DLGAP1: variants seen among roughly 807,000 people sequenced by gnomAD.
DLGAP1 encodes DLG associated protein 1, also known as disks large-associated protein 1.
In DLGAP1, 11 loss-of-function variants were observed where a neutral mutation model predicts 90.8. The ratio of observed to expected loss-of-function variants is 0.12; its 90% CI spans 0.08 to 0.20. DLGAP1 has a LOEUF of 0.20. Ranked by LOEUF, DLGAP1 falls within the 10% of genes least tolerant of loss-of-function variation. The pLI, the probability that DLGAP1 is intolerant of heterozygous loss-of-function variation, is 1.00. For synonymous variants in DLGAP1, 558 were observed against 540.7 expected (o/e 1.03, Z -0.44); for missense variants, 1,050 against 1,333.8 (o/e 0.79, Z 3.31).
intron 3 of DLGAP1, among the ~76,000 whole-genome samples, chr18:3,903,426 C>G (rs1302098003): frequency 6.6e-6 from 1 of 152,144 alleles, no homozygotes; most frequent in Non-Finnish European, 1.5e-5. Flanking sequence ...ATTTTAGAAG[C>G]AGGAAAATTG....
At chr18:3,739,267 A>G (rs1330042217) in intron 6 of DLGAP1, among the ~76,000 whole-genome samples, 4 of 151,050 alleles carry the variant, frequency 2.6e-5, no homozygotes, top group Non-Finnish European at 5.9e-5. Context: ...CCAGCCATCC[A>G]ATTACTGGGT....
chr18:3,969,968 C>T lies in DLGAP1; in HGVS notation c.-73+35148G>A, dbSNP rs115998393. 8.6e-3 allele frequency among the ~76,000 whole-genome samples: 1,302 copies of T among 152,236 alleles called. 15 individuals are homozygous for T. Among genetic ancestry groups the T allele is most frequent in the African/African-American group, 0.03 (1,236 of 41,538 alleles). On this transcript the variant is annotated intron_variant, in intron 3 of 12. Transcript: ENST00000315677. ...TCTGTGTGTTAAGATGGAAAGCACA[C>T]GAACAGAAGTCAGCAGATTTGTTGT...
intron 2 of DLGAP1, among the ~76,000 whole-genome samples, chr18:4,126,498 C>T (rs570277194): frequency 6.6e-6 from 1 of 152,228 alleles, no homozygotes; most frequent in East Asian, 1.9e-4. Context: ...TGCTTTATAT[C>T]GTTGTATAAA....
chr18:4,009,501 C>T (rs184505668), intron 2 of DLGAP1, among the ~76,000 whole-genome samples: 7 of 152,286 alleles, frequency 4.6e-5, no homozygotes, highest in Admixed American at 4.6e-4. Context: ...GTGCCTGGTA[C>T]TCTCCTAGAT....
intron 1 of DLGAP1, among the ~76,000 whole-genome samples, chr18:4,401,834 T>C (rs1485353126): frequency 6.6e-6 from 1 of 152,252 alleles, no homozygotes; most frequent in African/African-American, 2.4e-5. Context: ...AATTTTTAAA[T>C]GATAGGTAAT....
chr18:4,275,544 T>C (rs2079391433), intron 1 of DLGAP1, among the ~76,000 whole-genome samples: 1 of 152,190 alleles, frequency 6.6e-6, no homozygotes, highest in African/African-American at 2.4e-5. Flanking sequence ...TGTATATGTT[T>C]TGGTCCTTCT....
chr18:4,139,780 A>T (rs1050321076), intron 2 of DLGAP1, among the ~76,000 whole-genome samples: 2 of 151,848 alleles, frequency 1.3e-5, no homozygotes, highest in Non-Finnish European at 3.0e-5. Context: ...TACTTTATAC[A>T]TGGGTGCTCC....
chr18:3,681,701 C>A (rs2060518293), intron 7 of DLGAP1, among the ~76,000 whole-genome samples: 1 of 152,172 alleles, frequency 6.6e-6, no homozygotes, highest in African/African-American at 2.4e-5. Context: ...TAGTTGTAAT[C>A]CCCAATGTTG....
chr18:3,732,608 A>C (rs568182795), intron 6 of DLGAP1, among the ~76,000 whole-genome samples: 2 of 152,218 alleles, frequency 1.3e-5, no homozygotes, highest in Non-Finnish European at 2.9e-5. Flanking sequence ...TGATGGTTTT[A>C]AGTCAATTGA....
At chr18:3,738,657 A>G (rs1368154876) in intron 6 of DLGAP1, among the ~76,000 whole-genome samples, 3 of 151,742 alleles carry the variant, frequency 2.0e-5, no homozygotes, top group African/African-American at 7.3e-5. Context: ...CGTTAGACCT[A>G]AAACCATAAA....
chr18:3,639,528 G>A (rs181807027), intron 7 of DLGAP1, among the ~76,000 whole-genome samples: 40 of 152,188 alleles, frequency 2.6e-4, no homozygotes, highest in Non-Finnish European at 4.6e-4. Context: ...TGGCGGTCAC[G>A]GGGCTAGAAT....
At chr18:3,997,663 T>C (rs949379611) in intron 3 of DLGAP1, among the ~76,000 whole-genome samples, 1 of 151,866 alleles carries the variant, frequency 6.6e-6, no homozygotes, top group South Asian at 2.1e-4. Context: ...ACAAATATAA[T>C]TTAAAATTTT....
At chr18:4,097,222 T>C (rs924188926) in intron 2 of DLGAP1, among the ~76,000 whole-genome samples, 1 of 152,258 alleles carries the variant, frequency 6.6e-6, no homozygotes. Flanking sequence ...ACTAGTCTAC[T>C]GCATTATGCT....
chr18:4,269,263 T>G (rs4630644), intron 1 of DLGAP1, among the ~76,000 whole-genome samples: 37,621 of 149,566 alleles, frequency 0.25, 10,223 homozygotes, highest in African/African-American at 0.68. Flanking sequence ...CCTGAAAGTA[T>G]AAATAATTTC....
At chr18:3,925,344 T>C (rs1015786344) in intron 3 of DLGAP1, among the ~76,000 whole-genome samples, 10 of 151,672 alleles carry the variant, frequency 6.6e-5, no homozygotes, top group Non-Finnish European at 1.2e-4. Context: ...AATAGGACAG[T>C]TGTATTTTGC....
At chr18:4,322,869 G>A (rs1434243980) in intron 1 of DLGAP1, among the ~76,000 whole-genome samples, 1 of 144,174 alleles carries the variant, frequency 6.9e-6, no homozygotes, top group Non-Finnish European at 1.5e-5. Flanking sequence ...GCTGAGACAG[G>A]AGACTGGCAT....
intron 1 of DLGAP1, among the ~76,000 whole-genome samples, chr18:4,253,412 T>C (rs919439106): frequency 6.6e-6 from 1 of 152,212 alleles, no homozygotes; most frequent in African/African-American, 2.4e-5. Context: ...TTATTTTATT[T>C]ATTTTATATA....
chr18:4,157,683 G>A (rs2076779939), intron 1 of DLGAP1, among the ~76,000 whole-genome samples: 1 of 152,194 alleles, frequency 6.6e-6, no homozygotes, highest in African/African-American at 2.4e-5. Flanking sequence ...TCTGCACACT[G>A]TGCACATGCT....
At position 3,871,157 on chromosome 18, in the gene DLGAP1, G is replaced by C. The variant is rs565513175; in HGVS notation, c.957+7955C>G. On this transcript the variant is annotated intron_variant, in intron 4 of 12. Transcript: ENST00000315677. ...CCAGGCAGTGAGCCTGCGAGTGCCAGGTTCCACTGGCAAGATGACTGATTT... is the reference window on the plus strand; with the variant it reads ...CCAGGCAGTGAGCCTGCGAGTGCCACGTTCCACTGGCAAGATGACTGATTT... Among the ~76,000 whole-genome samples, 3 of 152,314 alleles carry C rather than the reference G, an allele frequency of 2.0e-5. No individual in the cohort carries two copies. In the East Asian group the frequency reaches 5.8e-4, roughly 29 times the overall value.
Sources: gnomAD v4.1 joint callset for allele counts (sites outside exome capture counted in the v4.1 genomes callset) on GRCh38, gnomAD v4.1.1 for gene constraint, MANE v1.5 for transcripts, NCBI Gene and HGNC (gene_info 2026-07-23, HGNC 2026-07-21) for gene names.